SNX2: variants seen among roughly 807,000 people sequenced by gnomAD.
SNX2 encodes the protein sorting nexin-2.
Under a neutral mutation model 69.9 loss-of-function variants are expected in SNX2, and 25 were observed. The observed-to-expected ratio is 0.36, with a 90% CI of 0.26 to 0.50. The LOEUF (loss-of-function observed/expected upper bound fraction) is 0.50, where lower values mean the gene tolerates loss of function less well. SNX2 is among the 20% of genes least tolerant of loss of function. The pLI is 0.97. For missense variants in SNX2, 551 were observed against 613.3 expected (o/e 0.90, Z 1.07); for synonymous variants, 229 against 200.4 (o/e 1.14, Z -1.20).
intron 4 of SNX2, 46 bp downstream of exon 4, chr5:122,801,981 G>A (rs1233021316): frequency 9.1e-6 from 14 of 1,538,390 alleles, no homozygotes; most frequent in African/African-American, 1.4e-5. Context: ...TTATTAGTTT[G>A]TTGGTTTTGT....
intron 6 of SNX2, among the ~76,000 whole-genome samples, chr5:122,806,759 C>T (rs1360838868): frequency 6.6e-6 from 1 of 152,068 alleles, no homozygotes; most frequent in African/African-American, 2.4e-5. Flanking sequence ...AAACAATTCA[C>T]ATCCCAATTC....
rs1438903024 is a variant in SNX2, at chr5:122,830,321, T to C, written c.*673T>C. 6.6e-6 allele frequency among the ~76,000 whole-genome samples: 1 copy of C among 152,214 alleles called. No homozygotes were observed. The highest frequency in any genetic ancestry group is 2.1e-4 in the South Asian group (1 of 4,832). ...AAAGAACATTTGACTCTTGATTGTC[T>C]TGGGTAAAGAAGAGAATAATTGTCT... is the stretch of plus-strand genomic sequence containing the variant. On this transcript the variant is annotated 3_prime_UTR_variant, in exon 15 of 15. Transcript: ENST00000379516.
chr5:122,795,254 C>G lies in SNX2; in HGVS notation c.109-12C>G, dbSNP rs749206207. Reference sequence around the variant, plus strand: ...TGCCAATCCATTACCTATTATTGTTCTTTTTTAACAGTCAAGTCCATCATC... The same window carrying G: ...TGCCAATCCATTACCTATTATTGTTGTTTTTTAACAGTCAAGTCCATCATC... On this transcript the variant is annotated splice_polypyrimidine_tract_variant and intron_variant, in intron 1 of 14. Coordinates refer to ENST00000379516, the MANE Select transcript of SNX2 (RefSeq NM_003100.4). 2 of 1,573,658 alleles carry G rather than the reference C, an allele frequency of 1.3e-6. No individual in the cohort carries two copies. Among genetic ancestry groups the G allele is most frequent in the Non-Finnish European group, 1.7e-6 (2 of 1,144,192 alleles).
chr5:122,827,213 C>T (rs1049911594), intron 12 of SNX2, 166 bp from the exon 13 acceptor site: 8 of 598,522 alleles, frequency 1.3e-5, no homozygotes, highest in Non-Finnish European at 2.4e-5. Context: ...ACATGCATTT[C>T]TATTGGTTGA....
rs568706056 is a variant in SNX2, at chr5:122,831,494, A to C, written c.*1846A>C. On this transcript the variant is annotated 3_prime_UTR_variant, in exon 15 of 15. Coordinates refer to ENST00000379516, the MANE Select transcript of SNX2 (RefSeq NM_003100.4). The stretch of plus-strand genomic sequence containing the variant: ...CATAGTGAGACCCTGTCTCTAAAAA[A>C]AATGAAGACTTGATGAGTTGAACAG... Among the ~76,000 whole-genome samples, 1,336 of 152,328 alleles carry C rather than the reference A, an allele frequency of 8.8e-3. 22 individuals are homozygous for C. The highest frequency in any genetic ancestry group is 0.031 in the African/African-American group (1,282 of 41,564).
At chr5:122,797,843 C>A (rs1753418152) in intron 2 of SNX2, among the ~76,000 whole-genome samples, 1 of 151,728 alleles carries the variant, frequency 6.6e-6, no homozygotes, top group Admixed American at 6.6e-5. Context: ...TTTACTTAAG[C>A]TAAAAGGTGT....
At chr5:122,779,003 A>G (rs1482214578) in intron 1 of SNX2, among the ~76,000 whole-genome samples, 1 of 152,192 alleles carries the variant, frequency 6.6e-6, no homozygotes, top group East Asian at 1.9e-4. Context: ...TAACTTGTTT[A>G]TGAATACTGT....
At position 122,831,520 on chromosome 5, in the gene SNX2, G is replaced by T. The variant is rs763329717; in HGVS notation, c.*1872G>T. Among the ~76,000 whole-genome samples the T allele has an allele frequency of 7.2e-5, 11 of 152,050 alleles. No individual in the cohort carries two copies. Among genetic ancestry groups the T allele is most frequent in the Non-Finnish European group, 1.5e-4 (10 of 68,000 alleles). Reference sequence around the variant, plus strand: ...AATGAAGACTTGATGAGTTGAACAGGGAAAACAAAAGTTTGCTCTTCTAAA... The same window carrying T: ...AATGAAGACTTGATGAGTTGAACAGTGAAAACAAAAGTTTGCTCTTCTAAA... On this transcript the variant is annotated 3_prime_UTR_variant, in exon 15 of 15. Coordinates refer to ENST00000379516, the MANE Select transcript of SNX2 (RefSeq NM_003100.4).
chr5:122,784,096 A>C (rs1753031088), intron 1 of SNX2, among the ~76,000 whole-genome samples: 1 of 151,888 alleles, frequency 6.6e-6, no homozygotes, highest in South Asian at 2.1e-4. Flanking sequence ...TATGATAGCA[A>C]CTGTTCTAAA....
intron 7 of SNX2, among the ~76,000 whole-genome samples, chr5:122,813,272 T>C (rs1006026293): frequency 6.6e-6 from 1 of 152,146 alleles, no homozygotes; most frequent in Non-Finnish European, 1.5e-5. Flanking sequence ...ATTTCAACAT[T>C]ATGTAAACAT....
intron 8 of SNX2, 76 bp downstream of exon 8, chr5:122,816,047 G>C (rs1753895049): frequency 1.5e-6 from 1 of 661,400 alleles, no homozygotes; most frequent in Non-Finnish European, 2.4e-6. Flanking sequence ...ACTATATATA[G>C]TAAATAATTG....
chr5:122,826,070 G>C lies in SNX2; in HGVS notation c.1233G>C (p.Met411Ile), dbSNP rs759217327. The C allele has an allele frequency of 6.2e-7, 1 of 1,613,124 alleles. No homozygotes were observed. Among genetic ancestry groups the C allele is most frequent in the East Asian group, 2.2e-5 (1 of 44,752 alleles). The change falls in exon 12 of 15, where the codon ATG becomes ATC. Residue 411 changes from methionine to isoleucine, a missense_variant. By Grantham distance (10) the Met-to-Ile change is conservative. This residue lies in a region of SNX2 where 360 missense variants were observed against 450.4 expected (regional missense o/e 0.80). Coordinates refer to ENST00000379516, the MANE Select transcript of SNX2 (RefSeq NM_003100.4). ...TATAGGGTGTGTTTGACCATCGAATGAAGTGCTGGCAGAAATGGGAAGATG... is the reference window on the plus strand; with the variant it reads ...TATAGGGTGTGTTTGACCATCGAATCAAGTGCTGGCAGAAATGGGAAGATG... ...AAVKGVFDHR[M>I]KCWQKWEDAQ... is the part of the protein sequence containing the mutation.
At chr5:122,789,918 C>T (rs1670281063) in intron 1 of SNX2, among the ~76,000 whole-genome samples, 1 of 152,188 alleles carries the variant, frequency 6.6e-6, no homozygotes, top group African/African-American at 2.4e-5. Flanking sequence ...GAGAGAGAGG[C>T]TCTAGTTGGC....
intron 11 of SNX2, among the ~76,000 whole-genome samples, chr5:122,825,022 A>G (rs1263881954): frequency 6.6e-6 from 1 of 152,178 alleles, no homozygotes; most frequent in African/African-American, 2.4e-5. Flanking sequence ...AACTAATATT[A>G]GAACCAAATT....
chr5:122,804,944 T>G (rs1044807926), intron 6 of SNX2, among the ~76,000 whole-genome samples: 1 of 152,106 alleles, frequency 6.6e-6, no homozygotes, highest in Non-Finnish European at 1.5e-5. Flanking sequence ...AATCTGAAAG[T>G]TTTTTTGTTT....
chr5:122,824,402 T>C (rs369023674), intron 11 of SNX2, among the ~76,000 whole-genome samples: 2 of 152,154 alleles, frequency 1.3e-5, no homozygotes, highest in African/African-American at 4.8e-5. Flanking sequence ...GTGTTAGATA[T>C]GTTACTTTTG....
At chr5:122,810,398 TTAAAAAAAA>T (rs1264236554) in intron 7 of SNX2, among the ~76,000 whole-genome samples, 4 of 59,902 alleles carry the variant, frequency 6.7e-5, no homozygotes, top group East Asian at 3.9e-4. Context: ...GAATGATCAA[TTAAAAAAAA>T]AAAAAAAAAA....
intron 6 of SNX2, among the ~76,000 whole-genome samples, chr5:122,807,321 A>G (rs1753681548): frequency 1.3e-5 from 2 of 152,232 alleles, no homozygotes; most frequent in African/African-American, 2.4e-5. Flanking sequence ...AGAGTTGTGC[A>G]TACATTACCA....
At chr5:122,828,071 T>A (rs1754197391) in intron 14 of SNX2, 1 of 153,220 alleles carries the variant, frequency 6.5e-6, no homozygotes, top group South Asian at 2.1e-4. Flanking sequence ...CTTTATTTTG[T>A]TTGGGGTTGG....
Sources: gnomAD v4.1 joint callset for allele counts (sites outside exome capture counted in the v4.1 genomes callset) on GRCh38, gnomAD v4.1.1 for gene constraint, gnomAD v4.1.1 regional missense constraint, MANE v1.5 for transcripts, NCBI Gene and HGNC (gene_info 2026-07-23, HGNC 2026-07-21) for gene names.